Variants in GSE1 observed in about 807,000 individuals in gnomAD.
The protein encoded by GSE1 is Gse1 coiled-coil protein.
Under a neutral mutation model 112.6 loss-of-function variants are expected in GSE1, and 32 were observed. The ratio of observed to expected loss-of-function variants is 0.28; its 90% CI spans 0.21 to 0.38. The LOEUF is 0.38. Ranked by LOEUF, GSE1 falls within the 10% of genes least tolerant of loss-of-function variation. The pLI, the probability that GSE1 is intolerant of heterozygous loss-of-function variation, is 1.00. For synonymous variants in GSE1, 1,115 were observed against 735.6 expected (o/e 1.52, Z -8.35); for missense variants, 2,348 against 1,699.2 (o/e 1.38, Z -6.71).
intron 14 of GSE1, among the ~76,000 whole-genome samples, chr16:85,668,834 A>G (rs571480147): frequency 4.6e-5 from 7 of 152,298 alleles, no homozygotes; most frequent in African/African-American, 1.7e-4. Flanking sequence ...GACTCCCCAC[A>G]CTGCAAGGAT....
chr16:85,643,977 G>C (rs1287586233), intron 2 of GSE1, among the ~76,000 whole-genome samples: 3 of 152,094 alleles, frequency 2.0e-5, no homozygotes, highest in Non-Finnish European at 4.4e-5. Flanking sequence ...ACAGCTACTG[G>C]AATCTAGATG....
At chr16:85,386,233 G>A (rs1567727216) in intron 2 of GSE1, among the ~76,000 whole-genome samples, 2 of 152,194 alleles carry the variant, frequency 1.3e-5, no homozygotes, top group Non-Finnish European at 2.9e-5. Flanking sequence ...AGGCCCTGAC[G>A]CCGTGGCAGG....
chr16:85,509,400 G>T (rs1177742165), intron 2 of GSE1, among the ~76,000 whole-genome samples: 1 of 152,184 alleles, frequency 6.6e-6, no homozygotes, highest in African/African-American at 2.4e-5. Flanking sequence ...CTGGTGTCCT[G>T]TTCATCTCAG....
intron 2 of GSE1, among the ~76,000 whole-genome samples, chr16:85,364,892 T>C (rs919003334): frequency 1.3e-5 from 2 of 152,086 alleles, no homozygotes; most frequent in South Asian, 4.2e-4. Context: ...ACGGCACGGG[T>C]CAGAGGCTGT....
In GSE1 at chr16:85,675,166, TG is replaced by T. The variant is rs1290308104; in HGVS notation, c.*2628del. 1 of 152,210 alleles carries T rather than the reference TG, an allele frequency of 6.6e-6. No homozygotes were observed. The highest frequency in any genetic ancestry group is 1.9e-4 in the East Asian group (1 of 5,198). The allele number at this position is 152,210 out of a possible 1,614,324, so 9.4% of individuals were successfully genotyped here. ...TTGACATGCAATCTCTTAAGTTTTTTGTTCAGCTACTTCACACTGAGTACCT... is the reference window on the plus strand; with the variant it reads ...TTGACATGCAATCTCTTAAGTTTTTTTTCAGCTACTTCACACTGAGTACCT... On this transcript the variant is annotated 3_prime_UTR_variant, in exon 16 of 16. Transcript: ENST00000253458.
At chr16:85,299,077 C>G (rs1202311970) in intron 1 of GSE1, among the ~76,000 whole-genome samples, 3 of 152,172 alleles carry the variant, frequency 2.0e-5, no homozygotes, top group African/African-American at 7.2e-5. Flanking sequence ...GGGGCGTGGC[C>G]CTCTGGTCAG....
chr16:85,596,026 A>C, intron 1 of GSE1, among the ~76,000 whole-genome samples: 1 of 122,108 alleles, frequency 8.2e-6, no homozygotes, highest in Non-Finnish European at 1.7e-5. Flanking sequence ...CTGCCCACCC[A>C]TCCATCTACC....
At chr16:85,368,365 G>A (rs2047229413) in intron 2 of GSE1, among the ~76,000 whole-genome samples, 3 of 152,200 alleles carry the variant, frequency 2.0e-5, no homozygotes, top group Middle Eastern at 3.4e-3. Context: ...CTCTCCTGCC[G>A]CCTGTTTCAC....
chr16:85,555,338 C>T (rs1055309306), upstream of GSE1: 10 of 985,154 alleles, frequency 1.0e-5, no homozygotes, highest in Non-Finnish European at 1.1e-5. Flanking sequence ...CCTCCTCCTT[C>T]CACCCCCTCT....
chr16:85,276,532 C>G (rs1909379374), intron 1 of GSE1, among the ~76,000 whole-genome samples: 1 of 152,186 alleles, frequency 6.6e-6, no homozygotes. Flanking sequence ...CAGGTTCAGC[C>G]AAGGCAGGGC....
At chr16:85,596,677 A>G (rs758079651) in intron 1 of GSE1, among the ~76,000 whole-genome samples, 32 of 152,224 alleles carry the variant, frequency 2.1e-4, no homozygotes, top group Non-Finnish European at 2.9e-4. Context: ...ACTGGCCACA[A>G]TTCAAGTGCT....
intron 1 of GSE1, among the ~76,000 whole-genome samples, chr16:85,279,789 T>A (rs1292065869): frequency 6.6e-6 from 1 of 152,146 alleles, no homozygotes; most frequent in Non-Finnish European, 1.5e-5. Flanking sequence ...CTGTCTTCAC[T>A]TGAATTCTCA....
chr16:85,554,792 AGGACGGAC>A (rs1428143194), upstream of GSE1: 2 of 595,094 alleles, frequency 3.4e-6, no homozygotes, highest in African/African-American at 6.9e-5. Context: ...GGAGGGAGGG[AGGACGGAC>A]GGGCGGGCGG....
At chr16:85,399,686 G>A (rs903208467) in intron 2 of GSE1, among the ~76,000 whole-genome samples, 10 of 152,204 alleles carry the variant, frequency 6.6e-5, no homozygotes, top group Admixed American at 2.0e-4. Context: ...AATCACTGCC[G>A]TAGGCGTGGG....
chr16:85,612,241 G>GGGGGCGGGGCGGGGCGGGGC (rs537679893), upstream of GSE1, among the ~76,000 whole-genome samples: 1 of 151,354 alleles, frequency 6.6e-6, no homozygotes, highest in Non-Finnish European at 1.5e-5. Context: ...GCGATGGGGT[G>GGGGGCGGGGCGGGGCGGGGC]GGGGCGGGGC....
rs1345463198 is a variant in GSE1 at position 85,355,508 on chromosome 16, C to A, written c.2284-1955C>A. Among the ~76,000 whole-genome samples the A allele has an allele frequency of 2.0e-5, 3 of 152,176 alleles. No homozygotes were observed. In the South Asian group the frequency reaches 6.2e-4, roughly 31 times the overall value. On this transcript the variant is annotated intron_variant, in intron 1 of 2. Coordinates refer to the GSE1 transcript ENST00000637419. ...AAGGGGATGGGCCAACAACAGCAGC[C>A]CGTCACCAAGACAGAGAGCAGACGC...
rs185170832 is a variant in GSE1 at position 85,279,597 on chromosome 16, A to G, written c.2284-77866A>G. Among the ~76,000 whole-genome samples, 231 of 152,180 alleles carry G rather than the reference A, an allele frequency of 1.5e-3. 1 individual carries two copies. Among genetic ancestry groups the G allele is most frequent in the Middle Eastern group, 6.8e-3 (2 of 294 alleles). ...GGTGGCAGAGCAAGACCCTGTTTCA[A>G]TCAATCAATCAGTCAGTCAATCAAT... On this transcript the variant is annotated intron_variant, in intron 1 of 2. Coordinates refer to the GSE1 transcript ENST00000637419.
chr16:85,481,024 C>G (rs530341321), intron 2 of GSE1, among the ~76,000 whole-genome samples: 1 of 152,204 alleles, frequency 6.6e-6, no homozygotes, highest in East Asian at 1.9e-4. Flanking sequence ...TTTAATCTGC[C>G]CTTGCTCCCT....
intron 1 of GSE1, among the ~76,000 whole-genome samples, chr16:85,308,940 C>T (rs752856437): frequency 3.3e-5 from 5 of 149,400 alleles, no homozygotes; most frequent in South Asian, 2.2e-4. Flanking sequence ...TTTTCAGAAG[C>T]GCAGATGCAC....
Sources: gnomAD v4.1 joint callset for allele counts (sites outside exome capture counted in the v4.1 genomes callset) on GRCh38, gnomAD v4.1.1 for gene constraint, MANE v1.5 for transcripts, NCBI Gene and HGNC (gene_info 2026-07-23, HGNC 2026-07-21) for gene names.